The following KIF26B variants were observed in gnomAD, a reference collection of about 807,000 sequenced individuals.
KIF26B encodes kinesin family member 26B.
KIF26B carries 63 observed loss-of-function variants against 151.2 expected under a neutral mutation model. That is an observed-to-expected ratio of 0.42 (90% confidence interval 0.34 to 0.51). KIF26B has a LOEUF of 0.51. Ranked by LOEUF, KIF26B falls within the 20% of genes least tolerant of loss-of-function variation. The pLI, the probability that KIF26B is intolerant of heterozygous loss-of-function variation, is 0.07. For missense variants in KIF26B, 2,813 were observed against 2,913.6 expected (o/e 0.97, Z 0.79); for synonymous variants, 1,357 against 1,262.1 (o/e 1.08, Z -1.59).
intron 4 of KIF26B, among the ~76,000 whole-genome samples, chr1:245,536,975 G>A (rs996800856): frequency 6.6e-6 from 1 of 152,120 alleles, no homozygotes; most frequent in African/African-American, 2.4e-5. Context: ...TGTTGGCCAG[G>A]GCAATTTCAG....
chr1:245,165,166 T>G (rs1368753627), intron 2 of KIF26B, among the ~76,000 whole-genome samples: 3 of 149,182 alleles, frequency 2.0e-5, no homozygotes, highest in Admixed American at 1.3e-4. Flanking sequence ...TGCAGTGGCT[T>G]GAGTGAAGAA....
intron 3 of KIF26B, among the ~76,000 whole-genome samples, chr1:245,378,534 G>T (rs1227562616): frequency 6.6e-6 from 1 of 152,152 alleles, no homozygotes; most frequent in Non-Finnish European, 1.5e-5. Context: ...CCCACATCCT[G>T]TCTCACTCAG....
chr1:245,506,366 A>G (rs1660729483), intron 4 of KIF26B, among the ~76,000 whole-genome samples: 1 of 152,206 alleles, frequency 6.6e-6, no homozygotes, highest in African/African-American at 2.4e-5. Context: ...ATAAAGTAAT[A>G]AATTGTCCAA....
intron 2 of KIF26B, among the ~76,000 whole-genome samples, chr1:245,210,508 C>CTTTTTTTTTTTTTTTTTTT (rs35803033): frequency 7.7e-6 from 1 of 129,782 alleles, no homozygotes; most frequent in African/African-American, 2.9e-5. Context: ...ATATCCTAAG[C>CTTTTTTTTTTTTTTTTTTT]TTTTTTTTTT....
intron 5 of KIF26B, among the ~76,000 whole-genome samples, chr1:245,575,300 C>T (rs1286035096): frequency 6.6e-6 from 1 of 151,710 alleles, no homozygotes; most frequent in Non-Finnish European, 1.5e-5. Flanking sequence ...CATGGTGAAA[C>T]CTCATCTCTA....
At chr1:245,518,914 C>T (rs1464731011) in intron 4 of KIF26B, among the ~76,000 whole-genome samples, 2 of 152,182 alleles carry the variant, frequency 1.3e-5, no homozygotes, top group Non-Finnish European at 2.9e-5. Flanking sequence ...CTTACACACT[C>T]ACTCCCGGAT....
chr1:245,524,979 T>C (rs1252504971), intron 4 of KIF26B, among the ~76,000 whole-genome samples: 1 of 152,194 alleles, frequency 6.6e-6, no homozygotes, highest in East Asian at 1.9e-4. Flanking sequence ...TTGTTCCGTC[T>C]TCCTCTTTAC....
At position 245,572,339 on chromosome 1, in the gene KIF26B, T is replaced by C. The variant is rs2043073698; in HGVS notation, c.1351-30238T>C. Among the ~76,000 whole-genome samples, 1 of 151,990 alleles carries C rather than the reference T, an allele frequency of 6.6e-6. No homozygotes were observed. Among genetic ancestry groups the C allele is most frequent in the South Asian group, 2.1e-4 (1 of 4,812 alleles). ...GTTTCCGACACTGAGGACATTGAGGTTCTGGGGGATTCATCACTTAGCTCC... is the reference window on the plus strand; with the variant it reads ...GTTTCCGACACTGAGGACATTGAGGCTCTGGGGGATTCATCACTTAGCTCC... On this transcript the variant is annotated intron_variant, in intron 5 of 14. Transcript: ENST00000407071. This position sits in a 1 kb window ranked among gnomAD's most constrained non-coding sequence, Gnocchi z 4.2.
At chr1:245,328,997 T>C (rs1672047943) in intron 2 of KIF26B, among the ~76,000 whole-genome samples, 1 of 152,242 alleles carries the variant, frequency 6.6e-6, no homozygotes, top group African/African-American at 2.4e-5. Flanking sequence ...TTTTCTGTCA[T>C]TTTGTAGTTC....
intron 2 of KIF26B, among the ~76,000 whole-genome samples, chr1:245,287,423 C>T (rs1344773514): frequency 6.7e-6 from 1 of 150,122 alleles, no homozygotes; most frequent in African/African-American, 2.4e-5. Flanking sequence ...TTTTTTCTTC[C>T]AAATTATTGG....
chr1:245,501,029 T>G (rs914395569), intron 4 of KIF26B, among the ~76,000 whole-genome samples: 1 of 152,230 alleles, frequency 6.6e-6, no homozygotes, highest in African/African-American at 2.4e-5. Flanking sequence ...GCGTATGTGA[T>G]GTGTTATAAG....
At chr1:245,674,511 A>G (rs2044333394) in intron 10 of KIF26B, among the ~76,000 whole-genome samples, 1 of 152,164 alleles carries the variant, frequency 6.6e-6, no homozygotes, top group Admixed American at 6.5e-5. Flanking sequence ...TTCATCTTTA[A>G]CTTCATTAGA....
chr1:245,271,610 A>G (rs1020809441), intron 2 of KIF26B, among the ~76,000 whole-genome samples: 39 of 148,128 alleles, frequency 2.6e-4, no homozygotes, highest in African/African-American at 9.2e-4. Flanking sequence ...ATATTTTGAG[A>G]TGATCATATT....
rs192408014 is a variant in KIF26B, at chr1:245,420,359, G to A, written c.1166+614G>A. Reference sequence around the variant, plus strand: ...ACATGGCAGAGACGGGGCGGGAGACGAAGGACAGCTGAGCAGGAAAGGACT... The same window carrying A: ...ACATGGCAGAGACGGGGCGGGAGACAAAGGACAGCTGAGCAGGAAAGGACT... On this transcript the variant is annotated intron_variant, in intron 4 of 14. Transcript: ENST00000407071. Among the ~76,000 whole-genome samples the A allele has an allele frequency of 7.0e-4, 106 of 152,326 alleles. 2 individuals carry two copies. Among genetic ancestry groups the A allele is most frequent in the African/African-American group, 2.4e-3 (101 of 41,578 alleles).
intron 4 of KIF26B, among the ~76,000 whole-genome samples, chr1:245,455,418 C>T (rs1429812623): frequency 4.6e-5 from 7 of 152,022 alleles, no homozygotes; most frequent in South Asian, 2.1e-4. Context: ...GCAGGAGAGT[C>T]GCTTGAACCC....
chr1:245,521,901 T>C (rs985845750), intron 4 of KIF26B, among the ~76,000 whole-genome samples: 8 of 146,988 alleles, frequency 5.4e-5, no homozygotes, highest in South Asian at 4.3e-4. Flanking sequence ...AGTCTTGCTC[T>C]GTCACCCAGG....
intron 2 of KIF26B, among the ~76,000 whole-genome samples, chr1:245,287,794 C>T (rs1312597375): frequency 6.6e-6 from 1 of 152,144 alleles, no homozygotes; most frequent in African/African-American, 2.4e-5. Context: ...TGAGGCACCG[C>T]GCCCGGCCTG....
chr1:245,684,654 G>A (rs72764847), intron 11 of KIF26B, among the ~76,000 whole-genome samples: 21,294 of 152,202 alleles, frequency 0.14, 1,903 homozygotes, highest in Non-Finnish European at 0.2. Flanking sequence ...CACTTGGTCC[G>A]CTTTAGAGAG....
chr1:245,328,123 G>GTAGGCTGA (rs1553347144), intron 2 of KIF26B, among the ~76,000 whole-genome samples: 101 of 151,646 alleles, frequency 6.7e-4, no homozygotes, highest in African/African-American at 2.4e-3. Flanking sequence ...TGCTTTGCTG[G>GTAGGCTGA]TAGGCTGTGT....
Sources: allele counts gnomAD v4.1 joint callset (sites outside exome capture counted in the v4.1 genomes callset), GRCh38; gene constraint gnomAD v4.1.1; non-coding constraint Gnocchi (gnomAD v3.1); transcripts MANE v1.5; gene names NCBI Gene and HGNC (gene_info 2026-07-23, HGNC 2026-07-21).